The following TEKT1 variants were observed in gnomAD, a reference collection of about 807,000 sequenced individuals.
TEKT1 encodes tektin-1.
Under a neutral mutation model 34.8 loss-of-function variants are expected in TEKT1, and 32 were observed. The observed-to-expected ratio is 0.92, with a 90% CI of 0.69 to 1.23. The LOEUF is 1.23. Ranked by LOEUF, TEKT1 falls within the 50% of genes most tolerant of loss-of-function variation. TEKT1 has a pLI of 0.00. For missense variants in TEKT1, 492 were observed against 518.5 expected (o/e 0.95, Z 0.50); for synonymous variants, 207 against 199.8 (o/e 1.04, Z -0.30).
intron 6 of TEKT1, among the ~76,000 whole-genome samples, chr17:6,801,441 G>A (rs1462663919): frequency 6.6e-6 from 1 of 152,188 alleles, no homozygotes; most frequent in African/African-American, 2.4e-5. Context: ...CAGATGTGGT[G>A]GCTCACAGCT....
chr17:6,823,864 C>T (rs1166524779), intron 2 of TEKT1, among the ~76,000 whole-genome samples: 1 of 146,688 alleles, frequency 6.8e-6, no homozygotes, highest in Admixed American at 6.9e-5. Context: ...ACTCTTTCAC[C>T]CAGGCCGGAC....
At chr17:6,816,169 T>A (rs1436816426) in intron 3 of TEKT1, among the ~76,000 whole-genome samples, 1 of 152,230 alleles carries the variant, frequency 6.6e-6, no homozygotes, top group Non-Finnish European at 1.5e-5. Context: ...GATTGATGAC[T>A]GGTCACTTGG....
intron 6 of TEKT1, among the ~76,000 whole-genome samples, chr17:6,805,072 G>A (rs1046010134): frequency 2.6e-5 from 4 of 152,144 alleles, no homozygotes; most frequent in Non-Finnish European, 5.9e-5. Flanking sequence ...GGTAGAATTC[G>A]GCTGGGAATC....
intron 6 of TEKT1, among the ~76,000 whole-genome samples, chr17:6,804,121 C>A (rs1976814626): frequency 6.6e-6 from 1 of 152,072 alleles, no homozygotes; most frequent in Non-Finnish European, 1.5e-5. Flanking sequence ...TTGTTTGTAT[C>A]CTCTTTTATT....
At position 6,800,782 on chromosome 17, in the gene TEKT1, C is replaced by T; in HGVS notation, c.1014G>A (p.Met338Ile). Residue 338 changes from methionine to isoleucine, a missense_variant, in exon 7 of 8, where the codon ATG becomes ATA. Transcript: ENST00000338694. ...LCRDVAQYRL[M>I]KEVQEITHNV... ...TGTGGGTGATCTCTTGAACCTCCTT[C>T]ATTAGCCTATATTGTGCGACATCAC... 3 of 1,613,946 alleles carry T rather than the reference C, an allele frequency of 1.9e-6. No homozygotes were observed. The highest frequency in any genetic ancestry group is 1.1e-5 in the South Asian group (1 of 91,034).
intron 7 of TEKT1, 46 bp from the exon 8 acceptor site, chr17:6,800,280 T>C (rs1302528313): frequency 4.5e-6 from 7 of 1,567,662 alleles, no homozygotes; most frequent in Non-Finnish European, 6.1e-6. Context: ...TCTCTATGCA[T>C]TGCTTTTTCA....
At chr17:6,822,452 C>G (rs549137723) in intron 2 of TEKT1, among the ~76,000 whole-genome samples, 112 of 152,248 alleles carry the variant, frequency 7.4e-4, no homozygotes, top group Non-Finnish European at 1.4e-3. Context: ...TCTCTATGCT[C>G]TTTCTGAAAC....
intron 2 of TEKT1, among the ~76,000 whole-genome samples, chr17:6,822,800 T>G (rs978212801): frequency 6.6e-6 from 1 of 152,222 alleles, no homozygotes; most frequent in African/African-American, 2.4e-5. Context: ...TTATTGGCTT[T>G]CCTCAATTAT....
intron 2 of TEKT1, among the ~76,000 whole-genome samples, chr17:6,827,257 A>AT (rs34162124): frequency 0.021 from 2,616 of 124,218 alleles, 41 homozygotes; most frequent in African/African-American, 0.034. Flanking sequence ...AGTTGTGCCA[A>AT]TTTTTTTTTT....
chr17:6,830,019 C>T (rs1322308507), intron 2 of TEKT1, among the ~76,000 whole-genome samples, 168 bp downstream of exon 2: 2 of 152,114 alleles, frequency 1.3e-5, no homozygotes, highest in African/African-American at 4.8e-5. Flanking sequence ...GCTGGGTTAC[C>T]TTGTGTCTAT....
chr17:6,830,139 C>T, intron 2 of TEKT1, 48 bp downstream of exon 2: 1 of 1,549,208 alleles, frequency 6.5e-7, no homozygotes. Flanking sequence ...CTAAACTCAA[C>T]AGCCTCATCC....
intron 2 of TEKT1, among the ~76,000 whole-genome samples, chr17:6,819,807 C>T (rs1247439919): frequency 3.3e-5 from 5 of 152,214 alleles, no homozygotes; most frequent in African/African-American, 1.2e-4. Context: ...CCTGTCTCAA[C>T]CTCCCGAGTA....
At chr17:6,802,969 T>C (rs1362840121) in intron 6 of TEKT1, among the ~76,000 whole-genome samples, 1 of 152,174 alleles carries the variant, frequency 6.6e-6, no homozygotes, top group East Asian at 1.9e-4. Context: ...TTTGGGTATA[T>C]ACCCAGTAAT....
intron 6 of TEKT1, among the ~76,000 whole-genome samples, chr17:6,806,519 G>A (rs867910943): frequency 1.3e-5 from 2 of 152,134 alleles, no homozygotes; most frequent in African/African-American, 4.8e-5. Flanking sequence ...TATGATGTTA[G>A]CTGATTATTT....
chr17:6,815,538 G>C (rs1413840711), intron 4 of TEKT1, among the ~76,000 whole-genome samples: 2 of 152,174 alleles, frequency 1.3e-5, no homozygotes, highest in Non-Finnish European at 2.9e-5. Flanking sequence ...ATTTTCCAGT[G>C]TCACCATTGC....
chr17:6,831,146 C>G (rs571667985), intron 1 of TEKT1, among the ~76,000 whole-genome samples: 1 of 152,158 alleles, frequency 6.6e-6, no homozygotes, highest in African/African-American at 2.4e-5. Context: ...AAGGAGAGAA[C>G]AGGAAGGGGA....
intron 6 of TEKT1, among the ~76,000 whole-genome samples, chr17:6,812,299 T>A (rs1976938916): frequency 6.6e-6 from 1 of 152,108 alleles, no homozygotes; most frequent in Non-Finnish European, 1.5e-5. Flanking sequence ...GGTAGCTCTT[T>A]ACGGTGGTGT....
At chr17:6,818,521 A>G (rs1438643727) in intron 3 of TEKT1, among the ~76,000 whole-genome samples, 1 of 152,200 alleles carries the variant, frequency 6.6e-6, no homozygotes, top group African/African-American at 2.4e-5. Flanking sequence ...TGGGAGAGAC[A>G]TACTGTCCCC....
chr17:6,815,779 T>A, intron 4 of TEKT1, 55 bp downstream of exon 4: 1 of 1,607,100 alleles, frequency 6.2e-7, no homozygotes, highest in Admixed American at 1.7e-5. Context: ...TTGTGGACAC[T>A]GCCTTTTCTC....
Sources: allele counts gnomAD v4.1 joint callset (sites outside exome capture counted in the v4.1 genomes callset), GRCh38; gene constraint gnomAD v4.1.1; transcripts MANE v1.5; gene names NCBI Gene and HGNC (gene_info 2026-07-23, HGNC 2026-07-21).